Variants in CARM1 observed in about 807,000 individuals in gnomAD.
CARM1 encodes the protein coactivator associated arginine methyltransferase 1, also known as histone-arginine methyltransferase CARM1.
Under a neutral mutation model 72.7 loss-of-function variants are expected in CARM1, and 14 were observed. The observed-to-expected ratio is 0.19, with a 90% CI of 0.13 to 0.30. The LOEUF (loss-of-function observed/expected upper bound fraction) is 0.30, where lower values mean the gene tolerates loss of function less well. Ranked by LOEUF, CARM1 falls within the 10% of genes least tolerant of loss-of-function variation. The pLI is 1.00. For synonymous variants in CARM1, 333 were observed against 345.5 expected (o/e 0.96, Z 0.40); for missense variants, 432 against 833.7 (o/e 0.52, Z 5.93).
intron 1 of CARM1, among the ~76,000 whole-genome samples, chr19:10,879,199 G>A (rs1412187929): frequency 6.6e-6 from 1 of 152,316 alleles, no homozygotes; most frequent in African/African-American, 2.4e-5. Context: ...GCAGGACAGA[G>A]GAAGGGACAA....
intron 1 of CARM1, among the ~76,000 whole-genome samples, chr19:10,886,499 T>C (rs2073943723): frequency 6.9e-6 from 1 of 145,664 alleles, no homozygotes; most frequent in Non-Finnish European, 1.5e-5. Flanking sequence ...CCCCGCCCCC[T>C]CCCTCATTTT....
chr19:10,898,248 G>A (rs1316346535), intron 1 of CARM1, among the ~76,000 whole-genome samples: 3 of 152,040 alleles, frequency 2.0e-5, no homozygotes, highest in African/African-American at 7.2e-5. Flanking sequence ...TGGAGGTTAC[G>A]GTGAGCTGAG....
At chr19:10,880,902 G>A (rs906380855) in intron 1 of CARM1, among the ~76,000 whole-genome samples, 1 of 148,028 alleles carries the variant, frequency 6.8e-6, no homozygotes, top group African/African-American at 2.7e-5. Context: ...AGAGGCTCAT[G>A]CCTGTAATCC....
At chr19:10,903,475 A>T (rs1160369096) in intron 1 of CARM1, among the ~76,000 whole-genome samples, 1 of 152,168 alleles carries the variant, frequency 6.6e-6, no homozygotes, top group Non-Finnish European at 1.5e-5. Flanking sequence ...GAAAATATGC[A>T]TTTCTCTACA....
At chr19:10,876,094 G>A (rs2073862371) in intron 1 of CARM1, among the ~76,000 whole-genome samples, 3 of 151,576 alleles carry the variant, frequency 2.0e-5, no homozygotes, top group Admixed American at 2.0e-4. Context: ...GGTCAGGCTG[G>A]TCTCGAACTC....
chr19:10,911,343 G>T (rs949210827), intron 4 of CARM1, among the ~76,000 whole-genome samples: 1 of 152,182 alleles, frequency 6.6e-6, no homozygotes, highest in Non-Finnish European at 1.5e-5. Context: ...TAGGCCTTGG[G>T]CCCTGGGGAG....
intron 1 of CARM1, among the ~76,000 whole-genome samples, chr19:10,881,124 C>T (rs1052307996): frequency 2.0e-5 from 3 of 152,116 alleles, no homozygotes; most frequent in African/African-American, 7.2e-5. Context: ...CATAATCGTA[C>T]CACTGCACTC....
intron 1 of CARM1, among the ~76,000 whole-genome samples, chr19:10,879,555 G>A (rs544619943): frequency 5.9e-4 from 90 of 152,260 alleles, no homozygotes; most frequent in African/African-American, 2.1e-3. Flanking sequence ...GGAGCACAGG[G>A]TCCCCTGTGA....
At chr19:10,892,990 C>T (rs929628001) in intron 1 of CARM1, among the ~76,000 whole-genome samples, 8 of 152,104 alleles carry the variant, frequency 5.3e-5, no homozygotes, top group Non-Finnish European at 1.5e-5. Flanking sequence ...CCGCCTCAGC[C>T]TCCCAAAGTG....
At chr19:10,921,324 G>A in intron 14 of CARM1, 51 bp from the exon 15 acceptor site, 1 of 1,594,342 alleles carries the variant, frequency 6.3e-7, no homozygotes, top group Non-Finnish European at 8.6e-7. Flanking sequence ...CTGGGTGGCT[G>A]GGGGCGGTGA....
chr19:10,886,040 TTTTC>T (rs907528856), intron 1 of CARM1, among the ~76,000 whole-genome samples: 46 of 150,748 alleles, frequency 3.1e-4, no homozygotes, highest in South Asian at 4.2e-4. Flanking sequence ...TGGCTAATTT[TTTTC>T]TTTCTTTCTT....
intron 8 of CARM1, among the ~76,000 whole-genome samples, chr19:10,917,718 C>CTTTTTTTTTTTTT (rs1164032277): frequency 7.7e-6 from 1 of 129,824 alleles, no homozygotes; most frequent in East Asian, 2.4e-4. Context: ...TTTTCTTTTT[C>CTTTTTTTTTTTTT]TTTTTTTTTT....
intron 1 of CARM1, among the ~76,000 whole-genome samples, chr19:10,872,785 C>G (rs1217896684): frequency 2.0e-5 from 3 of 151,950 alleles, no homozygotes; most frequent in Non-Finnish European, 4.4e-5. Context: ...CTTATCTCTT[C>G]TCTTTGATTC....
At chr19:10,913,078 C>A (rs1261656923) in intron 5 of CARM1, among the ~76,000 whole-genome samples, 3 of 151,926 alleles carry the variant, frequency 2.0e-5, no homozygotes, top group Non-Finnish European at 4.4e-5. Context: ...CAGCAGGGGA[C>A]GGCCCTGAGG....
At position 10,871,919 on chromosome 19, in the gene CARM1, A is replaced by G. The variant is rs1442497613; in HGVS notation, c.217A>G (p.Ser73Gly). 9 of 1,194,676 alleles carry G rather than the reference A, an allele frequency of 7.5e-6. No homozygotes were observed. The highest frequency in any genetic ancestry group is 9.0e-5 in the Admixed American group (2 of 22,124). The allele number at this position is 1,194,676 out of a possible 1,614,324, so 74.0% of individuals were successfully genotyped here. A position where few individuals can be genotyped will look rare whatever the true frequency, so the allele number is the denominator to read the frequency against. ...GPDSAGIALY[S>G]HEDVCVFKCS... is the part of the protein sequence containing the mutation. ...GGACTCGGCGGGCATCGCCCTCTAC[A>G]GCCGTGAGTACGGGGCCCCGGGGCA... Residue 73 changes from serine (S) to glycine (G), a missense_variant, in exon 1 of 16, where the codon AGC becomes GGC. Transcript: ENST00000327064. This position sits in a 1 kb window ranked among gnomAD's most constrained non-coding sequence, Gnocchi z 5.6.
In CARM1 at chr19:10,913,913, G is replaced by T. The variant is rs201607510; in HGVS notation, c.706G>T (p.Val236Leu). Reference sequence around the variant, plus strand: ...GAGTAACAACCTGACGGACCGCATCGTGGTCATCCCGGGCAAGGTGGAGGA... The same window carrying T: ...GAGTAACAACCTGACGGACCGCATCTTGGTCATCCCGGGCAAGGTGGAGGA... ...VKSNNLTDRI[V>L]VIPGKVEEVS... The change falls in exon 6 of 16, where the codon GTG (valine) becomes TTG (leucine). Residue 236 changes from valine to leucine, a missense_variant. Val to Leu is a conservative substitution (Grantham distance 32). Transcript: ENST00000327064. 1 of 1,613,650 alleles carries T rather than the reference G, an allele frequency of 6.2e-7. No individual in the cohort carries two copies. The highest frequency in any genetic ancestry group is 1.7e-5 in the Admixed American group (1 of 59,992).
intron 1 of CARM1, among the ~76,000 whole-genome samples, chr19:10,882,337 G>T (rs905335826): frequency 2.6e-5 from 4 of 152,118 alleles, no homozygotes; most frequent in Non-Finnish European, 5.9e-5. Flanking sequence ...GCTGTGGCCC[G>T]CTGTGCTTTC....
chr19:10,901,904 G>C lies in CARM1; in HGVS notation c.221-3047G>C, dbSNP rs554216804. ...GCAGAGGTTGCAGTGAGCCAAGATA[G>C]TGCTGCTGCACTCCAGCCTGGGCAA... On this transcript the variant is annotated intron_variant, in intron 1 of 15. Coordinates refer to ENST00000327064, the MANE Select transcript of CARM1 (RefSeq NM_199141.2). Among the ~76,000 whole-genome samples, 58 of 152,230 alleles carry C rather than the reference G, an allele frequency of 3.8e-4. 1 individual carries two copies. In the East Asian group the frequency reaches 9.5e-3, roughly 25 times the overall value.
chr19:10,895,387 A>G (rs2074016892), intron 1 of CARM1, among the ~76,000 whole-genome samples: 1 of 152,202 alleles, frequency 6.6e-6, no homozygotes, highest in South Asian at 2.1e-4. Context: ...TTACAGGCGC[A>G]AGCCACTGTG....
Sources: gnomAD v4.1 joint callset for allele counts (sites outside exome capture counted in the v4.1 genomes callset) on GRCh38, gnomAD v4.1.1 for gene constraint, Gnocchi (gnomAD v3.1) non-coding constraint, MANE v1.5 for transcripts, NCBI Gene and HGNC (gene_info 2026-07-23, HGNC 2026-07-21) for gene names.